Variants in GCA observed in about 807,000 individuals in gnomAD.
GCA encodes grancalcin, EF-hand calcium-binding protein.
GCA carries 30 observed loss-of-function variants against 32.6 expected under a neutral mutation model. That is an observed-to-expected ratio of 0.92 (90% CI 0.69 to 1.25). The LOEUF is 1.25. Ranked by LOEUF, GCA falls within the 50% of genes most tolerant of loss-of-function variation. GCA has a pLI of 0.00. For missense variants in GCA, 291 were observed against 266.8 expected, an observed-to-expected ratio of 1.09 and a Z score of -0.63; for synonymous variants, 102 against 84.6, an observed-to-expected ratio of 1.21 and a Z score of -1.13.
intron 4 of GCA, among the ~76,000 whole-genome samples, chr2:162,368,518 A>G (rs1423831808): frequency 6.6e-6 from 1 of 151,940 alleles, no homozygotes; most frequent in East Asian, 1.9e-4. Context: ...ATATGCCAAT[A>G]AGGTGATACA....
At chr2:162,351,392 C>T (rs1320685888) in intron 2 of GCA, among the ~76,000 whole-genome samples, 1 of 152,184 alleles carries the variant, frequency 6.6e-6, no homozygotes, top group African/African-American at 2.4e-5. Context: ...TGTTAATTCT[C>T]TACCTGATGC....
Position 162,352,371 on chromosome 2 carries a change from T to C in GCA, c.226T>C (p.Cys76Arg), listed in dbSNP as rs754396914. The C allele has an allele frequency of 4.4e-6, 7 of 1,596,514 alleles. No homozygotes were observed. The East Asian group carries it at 1.3e-4, about 31-fold the overall frequency. ...GEVDAEELQR[C>R]LTQSGINGTY... ...AGTGGATGCTGAAGAACTTCAGAGA[T>C]GTTTGACACAGTCTGGAATTAATGG... Residue 76 changes from cysteine (C) to arginine (R), a missense_variant, in exon 3 of 8, where the codon TGT becomes CGT. Physicochemically the swap from Cys to Arg is radical, Grantham distance 180 (BLOSUM62 -3). Transcript: ENST00000437150.
Position 162,360,364 on chromosome 2 carries a change from CT to C in GCA, c.*124del. ...TCTTCCTACCTGTTAAACCTCTTCCCTTTCTGTGTGTTTTTATTTTAGCAGA... is the reference window on the plus strand; with the variant it reads ...TCTTCCTACCTGTTAAACCTCTTCCCTTCTGTGTGTTTTTATTTTAGCAGA... On this transcript the variant is annotated 3_prime_UTR_variant, in exon 8 of 8. Transcript: ENST00000437150. The C allele has an allele frequency of 7.1e-7, 1 of 1,402,544 alleles. No homozygotes were observed. The highest frequency in any genetic ancestry group is 9.3e-7 in the Non-Finnish European group (1 of 1,072,886). The allele number at this position is 1,402,544 out of a possible 1,614,324, so 86.9% of individuals were successfully genotyped here.
downstream of GCA, among the ~76,000 whole-genome samples, chr2:162,364,844 A>T (rs1247296142): frequency 6.6e-6 from 1 of 151,630 alleles, no homozygotes; most frequent in Non-Finnish European, 1.5e-5. Context: ...TTATTTGCAC[A>T]TGAGTTAAAG....
intron 1 of GCA, among the ~76,000 whole-genome samples, chr2:162,320,343 G>A (rs1270581564): frequency 1.3e-5 from 2 of 152,088 alleles, no homozygotes; most frequent in Non-Finnish European, 2.9e-5. Flanking sequence ...TTAAGTATTG[G>A]GTCTATGAAA....
upstream of GCA, among the ~76,000 whole-genome samples, chr2:162,341,601 A>C (rs1306416495): frequency 6.6e-6 from 1 of 152,142 alleles, no homozygotes; most frequent in Non-Finnish European, 1.5e-5. Context: ...AAGTAATTAA[A>C]TTGGCTAATC....
In GCA at chr2:162,361,224, T is replaced by C. The variant is rs1184963554; in HGVS notation, c.*981T>C. 2.0e-5 allele frequency: 20 copies of C among 984,668 alleles called. No individual in the cohort carries two copies. The highest frequency in any genetic ancestry group is 2.4e-5 in the Non-Finnish European group (20 of 829,512). 61.0% of individuals were successfully genotyped at this position (984,668 alleles called of 1,614,324 possible). A position where few individuals can be genotyped will look rare whatever the true frequency, so the allele number is the denominator to read the frequency against. On this transcript the variant is annotated 3_prime_UTR_variant, in exon 8 of 8. Coordinates refer to ENST00000437150, the MANE Select transcript of GCA (RefSeq NM_012198.5). ...GTATTTTGAGTGCATCTATGTGATG[T>C]GGTGTTTTGAGCATAGTAGGCACCA...
chr2:162,326,929 C>T (rs1038109678), intron 1 of GCA, among the ~76,000 whole-genome samples: 1 of 152,178 alleles, frequency 6.6e-6, no homozygotes, highest in African/African-American at 2.4e-5. Flanking sequence ...TGGCAGGTGC[C>T]AGCCATAGGT....
At position 162,361,654 on chromosome 2, in the gene GCA, T is replaced by A; in HGVS notation, c.*1411T>A. The A allele has an allele frequency of 1.0e-6, 1 of 984,330 alleles. No homozygotes were observed. Among genetic ancestry groups the A allele is most frequent in the Non-Finnish European group, 1.2e-6 (1 of 829,112 alleles). The allele number at this position is 984,330 out of a possible 1,614,324, so 61.0% of individuals were successfully genotyped here. Reference sequence around the variant, plus strand: ...CTTGACACTGATAATTTTATATAATTTGCTGTCAAATTCACTTGGTCAGTT... The same window carrying A: ...CTTGACACTGATAATTTTATATAATATGCTGTCAAATTCACTTGGTCAGTT... On this transcript the variant is annotated 3_prime_UTR_variant, in exon 8 of 8. Coordinates refer to ENST00000437150, the MANE Select transcript of GCA (RefSeq NM_012198.5).
chr2:162,368,360 A>G (rs1239320110), intron 4 of GCA, among the ~76,000 whole-genome samples: 4 of 152,054 alleles, frequency 2.6e-5, no homozygotes, highest in African/African-American at 4.8e-5. Flanking sequence ...TTTTAGCCAT[A>G]GATAAGCAAT....
At chr2:162,355,646 A>C (rs984470943) in intron 3 of GCA, among the ~76,000 whole-genome samples, 1 of 152,000 alleles carries the variant, frequency 6.6e-6, no homozygotes, top group Non-Finnish European at 1.5e-5. Context: ...AATTTTATCA[A>C]TAGGTCATCA....
chr2:162,332,114 C>T (rs932739658), intron 1 of GCA, among the ~76,000 whole-genome samples: 1 of 151,730 alleles, frequency 6.6e-6, no homozygotes, highest in Non-Finnish European at 1.5e-5. Context: ...TCGAGACCAT[C>T]CTGGCTAACA....
rs1558905012 is a variant in GCA, at chr2:162,360,279, A to AT, written c.*38dup. On this transcript the variant is annotated 3_prime_UTR_variant, in exon 8 of 8. Coordinates refer to ENST00000437150, the MANE Select transcript of GCA (RefSeq NM_012198.5). ...TTTTAAACCTGAAGAGACACTGTGA[A>AT]TTCTTTTGTTTGGAAGAAGTGAACT... The AT allele has an allele frequency of 2.5e-6, 4 of 1,579,478 alleles. No individual in the cohort carries two copies. In the Admixed American group the frequency reaches 7.2e-5, roughly 28 times the overall value.
At chr2:162,370,118 A>G (rs981648821) in intron 4 of GCA, among the ~76,000 whole-genome samples, 3 of 152,194 alleles carry the variant, frequency 2.0e-5, no homozygotes, top group Non-Finnish European at 4.4e-5. Context: ...ATCTAAGGTC[A>G]CTTTAATCAC....
chr2:162,352,536 T>A, intron 3 of GCA, 129 bp downstream of exon 3: 1 of 626,302 alleles, frequency 1.6e-6, no homozygotes, highest in Non-Finnish European at 2.8e-6. Flanking sequence ...AGGAGTCAAA[T>A]AACTGTAAAA....
chr2:162,320,343 G>T (rs1270581564), intron 1 of GCA, among the ~76,000 whole-genome samples: 1 of 152,088 alleles, frequency 6.6e-6, no homozygotes, highest in Non-Finnish European at 1.5e-5. Flanking sequence ...TTAAGTATTG[G>T]GTCTATGAAA....
intron 3 of GCA, 33 bp from the exon 4 acceptor site, chr2:162,356,405 T>C (rs1685269620): frequency 7.9e-7 from 1 of 1,270,598 alleles, no homozygotes; most frequent in Non-Finnish European, 1.1e-6. Flanking sequence ...AAGTTGGGCA[T>C]ACTCTAATTT....
chr2:162,372,158 A>G, downstream of GCA: 1 of 1,310,454 alleles, frequency 7.6e-7, no homozygotes, highest in Non-Finnish European at 1.1e-6. Context: ...ATTGAAAATT[A>G]CACTAATAAA....
chr2:162,353,174 TA>T (rs368569351), intron 3 of GCA, among the ~76,000 whole-genome samples: 326 of 148,426 alleles, frequency 2.2e-3, no homozygotes, highest in African/African-American at 7.1e-3. Flanking sequence ...CTTCTTAATA[TA>T]AAAAAAAAAT....
Sources: gnomAD v4.1 joint callset for allele counts (sites outside exome capture counted in the v4.1 genomes callset) on GRCh38, gnomAD v4.1.1 for gene constraint, MANE v1.5 for transcripts, NCBI Gene and HGNC (gene_info 2026-07-23, HGNC 2026-07-21) for gene names.